Variants in WASF3 observed in about 807,000 individuals in gnomAD.
WASF3 encodes actin-binding protein WASF3.
A neutral mutation model predicts 46.6 loss-of-function variants in WASF3; 11 were observed. That is an observed-to-expected ratio of 0.24 (90% CI 0.15 to 0.39). The LOEUF (loss-of-function observed/expected upper bound fraction) is 0.39, where lower values mean the gene tolerates loss of function less well. Ranked by LOEUF, WASF3 falls within the 10% of genes least tolerant of loss-of-function variation. WASF3 has a pLI of 1.00. For synonymous variants in WASF3, 242 were observed against 259.7 expected (o/e 0.93, Z 0.65); for missense variants, 576 against 669.8 (o/e 0.86, Z 1.55).
intron 1 of WASF3, chr13:26,577,216 C>T (rs1412379523): frequency 2.7e-6 from 2 of 735,238 alleles, no homozygotes; most frequent in African/African-American, 3.4e-5. Flanking sequence ...AAAATGTGTT[C>T]CATGGTCAAA....
chr13:26,576,525 A>C (rs1484155551), intron 1 of WASF3, among the ~76,000 whole-genome samples: 1 of 152,146 alleles, frequency 6.6e-6, no homozygotes, highest in Non-Finnish European at 1.5e-5. Context: ...ATTTTAAATG[A>C]TAGCCAGGAG....
At chr13:26,567,705 A>T (rs201870922) in intron 1 of WASF3, among the ~76,000 whole-genome samples, 23,386 of 148,800 alleles carry the variant, frequency 0.16, 2,338 homozygotes, top group South Asian at 0.25. Flanking sequence ...CATTAAAAAA[A>T]AAATATATAT....
intron 1 of WASF3, among the ~76,000 whole-genome samples, chr13:26,565,625 C>T (rs1394984442): frequency 6.6e-6 from 1 of 152,158 alleles, no homozygotes; most frequent in Admixed American, 6.5e-5. Context: ...CACAGTAACC[C>T]CCTAATTCCC....
chr13:26,554,860 T>C (rs1263026458), upstream of WASF3, among the ~76,000 whole-genome samples: 1 of 152,212 alleles, frequency 6.6e-6, no homozygotes, highest in Non-Finnish European at 1.5e-5. Context: ...TACAAGTTTT[T>C]GTGTGGGCAT....
At chr13:26,547,357 T>A in the WASF3 span, among the ~76,000 whole-genome samples, 1 of 151,632 alleles carries the variant, frequency 6.6e-6, no homozygotes, top group African/African-American at 2.4e-5. Flanking sequence ...TTCAGTCTAA[T>A]TTCTGTATAA....
chr13:26,602,928 A>T (rs1880684242), intron 1 of WASF3, among the ~76,000 whole-genome samples: 3 of 152,216 alleles, frequency 2.0e-5, no homozygotes, highest in Admixed American at 2.0e-4. Context: ...AATGAAACTA[A>T]GTGGAAATCC....
chr13:26,682,817 G>A lies in WASF3; in HGVS notation c.1194G>A (p.Pro398=), dbSNP rs1335551343. The A allele has an allele frequency of 7.5e-6, 12 of 1,609,052 alleles. No homozygotes were observed. The highest frequency in any genetic ancestry group is 1.6e-4 in the Middle Eastern group (1 of 6,066). The stretch of plus-strand genomic sequence containing the variant: ...TCCTGGTCACAGCCCCGCCACCCCC[G>A]GGCCCACCACCTCCCCCGCCAGGCC... ...TGLLVTAPPP[P]GPPPPPPGPP... Residue 398 remains proline, a synonymous_variant, in exon 9 of 10, where the codon CCG becomes CCA. Transcript: ENST00000335327. The surrounding 1 kb of genome is among the most constrained non-coding windows in gnomAD (Gnocchi z 4.4).
chr13:26,620,027 A>G (rs142769934), intron 2 of WASF3, among the ~76,000 whole-genome samples: 1 of 152,168 alleles, frequency 6.6e-6, no homozygotes, highest in Non-Finnish European at 1.5e-5. Context: ...TGGGCAGAGC[A>G]CCAGTGGAAG....
At position 26,651,949 on chromosome 13, in the gene WASF3, A is replaced by C. The variant is rs79898895; in HGVS notation, c.133+9546A>C. Among the ~76,000 whole-genome samples, 64 of 152,350 alleles carry C rather than the reference A, an allele frequency of 4.2e-4. No homozygotes were observed. The East Asian group carries it at 9.2e-3, about 22-fold the overall frequency. ...ACCATCAAGAATAACATAGATATCA[A>C]ATGAAATCCTAAAATAATGATTTGA... On this transcript the variant is annotated intron_variant, in intron 3 of 9. Coordinates refer to ENST00000335327, the MANE Select transcript of WASF3 (RefSeq NM_006646.6).
the WASF3 span, among the ~76,000 whole-genome samples, chr13:26,545,449 T>C: frequency 6.6e-6 from 1 of 152,228 alleles, no homozygotes; most frequent in South Asian, 2.1e-4. Flanking sequence ...GGCTTTATAT[T>C]TTTAATTTTG....
intron 1 of WASF3, among the ~76,000 whole-genome samples, chr13:26,599,676 A>G (rs9319308): frequency 0.011 from 1,664 of 152,290 alleles, 31 homozygotes; most frequent in African/African-American, 0.037. Flanking sequence ...CTATTGGCAG[A>G]TTCTTTGTCT....
At chr13:26,656,729 T>C (rs1445142011) in intron 3 of WASF3, among the ~76,000 whole-genome samples, 1 of 152,162 alleles carries the variant, frequency 6.6e-6, no homozygotes, top group African/African-American at 2.4e-5. Context: ...TTGTTAGTTA[T>C]GTTTTCTCCG....
In WASF3 at chr13:26,685,824, C is replaced by T. The variant is rs1042958932; in HGVS notation, c.1488C>T (p.Asp496=). The change falls in exon 10 of 10, where the codon GAC becomes GAT. Residue 496 remains aspartate (D), a synonymous_variant. Coordinates refer to ENST00000335327, the MANE Select transcript of WASF3 (RefSeq NM_006646.6). ...YSDSDDDSEF[D]ENDWSD is the part of the protein sequence containing the mutation. ...ACTCTGACGACGACTCAGAGTTCGA[C>T]GAGAACGACTGGTCCGACTGAGCAA... The T allele has an allele frequency of 3.7e-6, 6 of 1,613,840 alleles. No homozygotes were observed. Among genetic ancestry groups the T allele is most frequent in the African/African-American group, 1.3e-5 (1 of 75,026 alleles).
intron 1 of WASF3, among the ~76,000 whole-genome samples, chr13:26,600,862 G>A (rs1880621290): frequency 6.6e-6 from 1 of 152,120 alleles, no homozygotes; most frequent in Admixed American, 6.5e-5. Context: ...CTCCACTTCT[G>A]TCTTTCCTCC....
intron 1 of WASF3, among the ~76,000 whole-genome samples, chr13:26,586,233 A>C (rs905251841): frequency 6.6e-6 from 1 of 152,090 alleles, no homozygotes; most frequent in South Asian, 2.1e-4. Context: ...ATTGTTAAAA[A>C]TATTTTTTGT....
chr13:26,635,854 T>C (rs1434015577), intron 2 of WASF3, among the ~76,000 whole-genome samples: 1 of 152,212 alleles, frequency 6.6e-6, no homozygotes, highest in African/African-American at 2.4e-5. Flanking sequence ...GAACAGCAAG[T>C]ATTGCTGCCT....
chr13:26,656,185 A>G (rs1882459722), intron 3 of WASF3, among the ~76,000 whole-genome samples: 1 of 152,176 alleles, frequency 6.6e-6, no homozygotes, highest in South Asian at 2.1e-4. Context: ...ATGCTTTGGC[A>G]ATTTAGAGGT....
chr13:26,681,355 G>A (rs1251848957), intron 8 of WASF3, 35 bp downstream of exon 8: 2 of 1,514,456 alleles, frequency 1.3e-6, no homozygotes, highest in Admixed American at 4.5e-5. Flanking sequence ...AATCCCTCCT[G>A]GCCTTGCATT....
At position 26,685,826 on chromosome 13, in the gene WASF3, A is replaced by T. The variant is rs1883387182; in HGVS notation, c.1490A>T (p.Glu497Val). The T allele has an allele frequency of 1.4e-5, 22 of 1,613,756 alleles. No homozygotes were observed. The highest frequency in any genetic ancestry group is 1.8e-5 in the Non-Finnish European group (21 of 1,179,720). Residue 497 changes from glutamate to valine, a missense_variant, in exon 10 of 10, where the codon GAG becomes GTG. Glu to Val is a moderately radical substitution (Grantham distance 121). Coordinates refer to ENST00000335327, the MANE Select transcript of WASF3 (RefSeq NM_006646.6). ...TCTGACGACGACTCAGAGTTCGACG[A>T]GAACGACTGGTCCGACTGAGCAAAG... ...SDSDDDSEFD[E>V]NDWSD
Sources: gnomAD v4.1 joint callset for allele counts (sites outside exome capture counted in the v4.1 genomes callset) on GRCh38, gnomAD v4.1.1 for gene constraint, Gnocchi (gnomAD v3.1) non-coding constraint, MANE v1.5 for transcripts, NCBI Gene and HGNC (gene_info 2026-07-23, HGNC 2026-07-21) for gene names.